Variants in PDSS2 observed in about 807,000 individuals in gnomAD.
The protein encoded by PDSS2 is all trans-polyprenyl-diphosphate synthase PDSS2.
In PDSS2, 31 loss-of-function variants were observed where a neutral mutation model predicts 44.5. The ratio of observed to expected loss-of-function variants is 0.70; its 90% CI spans 0.52 to 0.94. PDSS2 has a LOEUF of 0.94. Ranked by LOEUF, PDSS2 falls within the 40% of genes least tolerant of loss-of-function variation. PDSS2 has a pLI of 0.00. For synonymous variants in PDSS2, 157 were observed against 180.3 expected (o/e 0.87, Z 1.03); for missense variants, 452 against 482.2 (o/e 0.94, Z 0.59).
rs1396685214 is a variant in PDSS2, at chr6:107,172,863, C to G, written c.1042-18086G>C. Among the ~76,000 whole-genome samples the G allele has an allele frequency of 2.5e-4, 38 of 151,300 alleles. No individual in the cohort carries two copies. In the East Asian group the frequency reaches 3.3e-3, roughly 13 times the overall value. ...TAGAGTGGCTGGGCACGGCAGCTCA[C>G]GCTTGAAATCCCAGCACTTTGGGAG... is the stretch of plus-strand genomic sequence containing the variant. On this transcript the variant is annotated intron_variant, in intron 7 of 7. Coordinates refer to ENST00000369037, the MANE Select transcript of PDSS2 (RefSeq NM_020381.4).
chr6:107,333,535 T>TTTATC (rs1777778429), intron 2 of PDSS2, among the ~76,000 whole-genome samples: 1 of 152,106 alleles, frequency 6.6e-6, no homozygotes, highest in Non-Finnish European at 1.5e-5. Context: ...GAGGTATTAT[T>TTTATC]TTATCTTATT....
intron 7 of PDSS2, among the ~76,000 whole-genome samples, chr6:107,179,383 C>T (rs964743090): frequency 2.0e-5 from 3 of 151,820 alleles, no homozygotes; most frequent in African/African-American, 2.4e-5. Flanking sequence ...CGGGTTCAAG[C>T]GATTCTCCTG....
In PDSS2 at chr6:107,280,281, T is replaced by C. The variant is rs146278420; in HGVS notation, c.432-6054A>G. ...TTCACCATGTTGGCCAGGCTGGTCT[T>C]AAACTCCTGACCTCAACTGATCCAC... is the stretch of plus-strand genomic sequence containing the variant. On this transcript the variant is annotated intron_variant, in intron 2 of 7. Transcript: ENST00000369037. Among the ~76,000 whole-genome samples the C allele has an allele frequency of 0.013, 2,011 of 152,112 alleles. 116 individuals are homozygous for C. The East Asian group carries it at 0.19, about 14-fold the overall frequency.
chr6:107,400,627 C>T (rs959809316), intron 1 of PDSS2, among the ~76,000 whole-genome samples: 6 of 152,184 alleles, frequency 3.9e-5, no homozygotes, highest in African/African-American at 1.4e-4. Flanking sequence ...GGGAGCAATG[C>T]AGGTCCCACT....
At chr6:107,236,995 G>C (rs545758149) in intron 4 of PDSS2, among the ~76,000 whole-genome samples, 2 of 151,012 alleles carry the variant, frequency 1.3e-5, no homozygotes, top group African/African-American at 4.9e-5. Context: ...CTGAAGTATA[G>C]TGGCATATAC....
intron 1 of PDSS2, among the ~76,000 whole-genome samples, chr6:107,372,394 A>C (rs1779151932): frequency 6.6e-6 from 1 of 152,210 alleles, no homozygotes; most frequent in Non-Finnish European, 1.5e-5. Context: ...AACTGCATTT[A>C]GTCTGGGAAG....
chr6:107,402,686 G>C (rs1471187778), intron 1 of PDSS2, among the ~76,000 whole-genome samples: 1 of 150,682 alleles, frequency 6.6e-6, no homozygotes, highest in East Asian at 2.0e-4. Flanking sequence ...ATGTACAGGG[G>C]AATTGCCCTT....
chr6:107,424,945 G>A (rs1283337537), intron 1 of PDSS2, among the ~76,000 whole-genome samples: 1 of 152,212 alleles, frequency 6.6e-6, no homozygotes, highest in Non-Finnish European at 1.5e-5. Flanking sequence ...CCCAGTGGGA[G>A]GTGATTGAAT....
chr6:107,227,429 C>T (rs1773872129), intron 4 of PDSS2, among the ~76,000 whole-genome samples: 1 of 151,572 alleles, frequency 6.6e-6, no homozygotes, highest in African/African-American at 2.4e-5. Flanking sequence ...GCTGGGATTA[C>T]AGTTGTGTGC....
At chr6:107,363,199 A>T (rs1236180402) in intron 1 of PDSS2, among the ~76,000 whole-genome samples, 1 of 152,240 alleles carries the variant, frequency 6.6e-6, no homozygotes, top group Non-Finnish European at 1.5e-5. Flanking sequence ...AACTCAATAC[A>T]GGACAAATAC....
chr6:107,260,194 T>A (rs376454782), intron 3 of PDSS2, among the ~76,000 whole-genome samples: 1 of 152,374 alleles, frequency 6.6e-6, no homozygotes, highest in East Asian at 1.9e-4. Flanking sequence ...GTTGGGCTAA[T>A]GGCCTTCAGC....
At chr6:107,288,136 A>T (rs1776216283) in intron 2 of PDSS2, among the ~76,000 whole-genome samples, 1 of 152,228 alleles carries the variant, frequency 6.6e-6, no homozygotes. Context: ...GGCATGAGCC[A>T]CAACATGTCC....
chr6:107,429,896 AAAAAAATATATAT>A lies in PDSS2; in HGVS notation c.296+29081_296+29093del, dbSNP rs1380559062. 3.6e-4 allele frequency among the ~76,000 whole-genome samples: 16 copies of A among 44,790 alleles called. 2 individuals are homozygous for A. Among genetic ancestry groups the A allele is most frequent in the African/African-American group, 1.4e-3 (16 of 11,256 alleles). The allele number at this position is 44,790 out of a possible 152,430, so 29.4% of individuals were successfully genotyped here. A position where few individuals can be genotyped will look rare whatever the true frequency, so the allele number is the denominator to read the frequency against. ...CAAAACTTAGTCTCAAAAAAAAAAA[AAAAAAATATATAT>A]ATATATATATATATATATATATATA... On this transcript the variant is annotated intron_variant, in intron 1 of 7. Transcript: ENST00000369037.
rs563590274 is a variant in PDSS2, at chr6:107,419,451, C to T, written c.296+39539G>A. ...CCAAGAAAAAGGTCCTTATTAGGAT[C>T]TACATTCAAATTAGAGCAGTACACA... On this transcript the variant is annotated intron_variant, in intron 1 of 7. Coordinates refer to ENST00000369037, the MANE Select transcript of PDSS2 (RefSeq NM_020381.4). Among the ~76,000 whole-genome samples the T allele has an allele frequency of 8.5e-5, 13 of 152,262 alleles. 1 individual carries two copies. The South Asian group carries it at 1.5e-3, about 17-fold the overall frequency.
At chr6:107,429,901 A>AAAAAATATATATATAT (rs1166637352) in intron 1 of PDSS2, among the ~76,000 whole-genome samples, 10 of 31,828 alleles carry the variant, frequency 3.1e-4, no homozygotes, top group Admixed American at 5.8e-4. Context: ...AAAAAAAAAA[A>AAAAAATATATATATAT]ATATATATAT....
chr6:107,322,282 G>A (rs1298487860), intron 2 of PDSS2, among the ~76,000 whole-genome samples: 1 of 151,286 alleles, frequency 6.6e-6, no homozygotes. Flanking sequence ...CACTTTGGGA[G>A]GCCAAGGCAG....
At chr6:107,198,815 C>CA (rs993001619) in intron 6 of PDSS2, among the ~76,000 whole-genome samples, 13 of 151,418 alleles carry the variant, frequency 8.6e-5, no homozygotes, top group Non-Finnish European at 1.8e-4. Context: ...ACAACAACAA[C>CA]AACAACAACA....
chr6:107,343,920 C>A (rs1003539452), intron 1 of PDSS2, among the ~76,000 whole-genome samples: 3 of 152,098 alleles, frequency 2.0e-5, no homozygotes, highest in African/African-American at 7.2e-5. Flanking sequence ...TTAAGGGTGA[C>A]CTATTTCTTA....
chr6:107,320,126 C>A (rs547258361), intron 2 of PDSS2, among the ~76,000 whole-genome samples: 4 of 152,238 alleles, frequency 2.6e-5, no homozygotes, highest in African/African-American at 4.8e-5. Context: ...TTTTACATAG[C>A]CTGCTGCAAA....
Sources: gnomAD v4.1 joint callset for allele counts (sites outside exome capture counted in the v4.1 genomes callset) on GRCh38, gnomAD v4.1.1 for gene constraint, MANE v1.5 for transcripts, NCBI Gene and HGNC (gene_info 2026-07-23, HGNC 2026-07-21) for gene names.